The following MRTFB variants were observed in gnomAD, a reference collection of about 807,000 sequenced individuals.
The protein encoded by MRTFB is myocardin-related transcription factor B.
A neutral mutation model predicts 104.2 loss-of-function variants in MRTFB; 29 were observed. The observed-to-expected ratio is 0.28, with a 90% CI of 0.21 to 0.38. The LOEUF is 0.38. MRTFB is among the 10% of genes least tolerant of loss of function. MRTFB has a pLI of 1.00. For synonymous variants in MRTFB, 535 were observed against 519.5 expected, an observed-to-expected ratio of 1.03 and a Z score of -0.41; for missense variants, 1,270 against 1,341.6, an observed-to-expected ratio of 0.95 and a Z score of 0.83.
chr16:14,219,040 CTTGT>C, intron 8 of MRTFB, 42 bp downstream of exon 8: 1 of 1,521,934 alleles, frequency 6.6e-7, no homozygotes, highest in Non-Finnish European at 8.8e-7. Context: ...AAGAAAATGC[CTTGT>C]TTTTTTTTAA....
chr16:14,132,038 C>A lies in MRTFB; in HGVS notation c.-63-8506C>A, dbSNP rs1323911459. 4.6e-5 allele frequency among the ~76,000 whole-genome samples: 7 copies of A among 152,290 alleles called. No individual in the cohort carries two copies. The East Asian group carries it at 1.2e-3, about 25-fold the overall frequency. ...GTGGAAACAATCCAAAGTCCATCAT[C>A]TGATGCATGGGTAAACAAAAGGTGG... On this transcript the variant is annotated intron_variant, in intron 2 of 16. Transcript: ENST00000571589.
chr16:14,089,046 G>T (rs1172843747), intron 2 of MRTFB, among the ~76,000 whole-genome samples: 1 of 152,166 alleles, frequency 6.6e-6, no homozygotes, highest in Non-Finnish European at 1.5e-5. Context: ...AACAGATTGT[G>T]TGTTTTTACA....
At chr16:13,999,288 G>A in the MRTFB span, among the ~76,000 whole-genome samples, 7 of 151,802 alleles carry the variant, frequency 4.6e-5, no homozygotes, top group Middle Eastern at 3.2e-3. Flanking sequence ...ATAACAGGTC[G>A]CTGCTTGTGG....
rs772519963 is a variant in MRTFB, at chr16:14,251,935, C to G, written c.2477C>G (p.Pro826Arg). ...QRHPAPAVQQ[P>R]FINKASNSVL... The stretch of plus-strand genomic sequence containing the variant: ...CATCCTGCCCCAGCTGTCCAGCAGC[C>G]CTTTATCAATAAGGCCTCCAACAGT... Residue 826 changes from proline (P) to arginine (R), a missense_variant, in exon 14 of 17, where the codon CCC (proline) becomes CGC (arginine). By Grantham distance (103) the Pro-to-Arg change is moderately radical. This residue lies in a region of MRTFB where 1,144 missense variants were observed against 1,131.5 expected (regional missense o/e 1.01). Coordinates refer to ENST00000571589, the MANE Select transcript of MRTFB (RefSeq NM_001308142.2). The G allele has an allele frequency of 6.2e-7, 1 of 1,614,144 alleles. No individual in the cohort carries two copies. Among genetic ancestry groups the G allele is most frequent in the Non-Finnish European group, 8.5e-7 (1 of 1,180,016 alleles).
At chr16:14,064,381 T>C in the MRTFB span, among the ~76,000 whole-genome samples, 3 of 152,234 alleles carry the variant, frequency 2.0e-5, no homozygotes, top group South Asian at 6.2e-4. Context: ...CTTTGTAAGA[T>C]GCTTAGTTTG....
At chr16:14,098,249 G>A (rs2035503861) in intron 2 of MRTFB, among the ~76,000 whole-genome samples, 1 of 152,086 alleles carries the variant, frequency 6.6e-6, no homozygotes, top group Non-Finnish European at 1.5e-5. Context: ...AATTTGGTAT[G>A]GTCAGTCTTT....
chr16:14,113,368 T>A (rs1488179625), intron 2 of MRTFB, among the ~76,000 whole-genome samples: 2 of 152,256 alleles, frequency 1.3e-5, no homozygotes, highest in African/African-American at 4.8e-5. Flanking sequence ...TTTAATTGCT[T>A]TTCCCTACAC....
At chr16:14,219,211 A>C (rs1218473101) in intron 8 of MRTFB, among the ~76,000 whole-genome samples, 1 of 152,168 alleles carries the variant, frequency 6.6e-6, no homozygotes, top group East Asian at 1.9e-4. Context: ...CATTTCCTGA[A>C]ATCTTGGAGA....
the MRTFB span, among the ~76,000 whole-genome samples, chr16:14,027,654 C>T: frequency 8.5e-5 from 13 of 152,092 alleles, no homozygotes; most frequent in African/African-American, 7.2e-5. Context: ...GGAAGCTGGG[C>T]GAAGATGGTA....
chr16:14,217,092 C>T lies in MRTFB; in HGVS notation c.353-34C>T, dbSNP rs780137013. The T allele has an allele frequency of 5.8e-6, 9 of 1,562,558 alleles. No homozygotes were observed. The East Asian group carries it at 1.4e-4, about 24-fold the overall frequency. ...ACATTATGGAATAGAAATAGTAATT[C>T]GAGTAATGGTTAAAACTGTGTTTCC... is the stretch of plus-strand genomic sequence containing the variant. On this transcript the variant is annotated intron_variant, in intron 6 of 16. Transcript: ENST00000571589.
chr16:14,045,682 C>T, the MRTFB span, among the ~76,000 whole-genome samples: 1 of 152,206 alleles, frequency 6.6e-6, no homozygotes, highest in Non-Finnish European at 1.5e-5. Flanking sequence ...TTCATGTACT[C>T]TCCAAACCTC....
intron 2 of MRTFB, among the ~76,000 whole-genome samples, chr16:14,090,911 TG>T (rs2035021962): frequency 6.6e-6 from 1 of 151,792 alleles, no homozygotes; most frequent in Non-Finnish European, 1.5e-5. Flanking sequence ...TGTGTGTGTG[TG>T]TGTGTGTGTA....
intron 4 of MRTFB, among the ~76,000 whole-genome samples, chr16:14,210,654 C>A (rs1226473759): frequency 1.3e-5 from 2 of 151,998 alleles, no homozygotes; most frequent in African/African-American, 4.8e-5. Context: ...ATTAGACTTG[C>A]CAAAAAACAT....
At chr16:14,186,102 C>CTAGTG (rs2039944537) in intron 3 of MRTFB, among the ~76,000 whole-genome samples, 2 of 152,216 alleles carry the variant, frequency 1.3e-5, no homozygotes, top group African/African-American at 4.8e-5. Context: ...TCCCAGCCAA[C>CTAGTG]TAGTGGCACT....
At chr16:14,040,735 T>A in the MRTFB span, among the ~76,000 whole-genome samples, 1 of 152,118 alleles carries the variant, frequency 6.6e-6, no homozygotes, top group African/African-American at 2.4e-5. Flanking sequence ...AGCGCTGGGA[T>A]TACAGGTGCA....
chr16:14,059,066 A>G, the MRTFB span, among the ~76,000 whole-genome samples: 1 of 151,966 alleles, frequency 6.6e-6, no homozygotes, highest in Non-Finnish European at 1.5e-5. Flanking sequence ...TATTGACATA[A>G]TATTTTTTCC....
the MRTFB span, among the ~76,000 whole-genome samples, chr16:14,052,955 G>A: frequency 1.3e-5 from 2 of 152,046 alleles, no homozygotes; most frequent in African/African-American, 4.8e-5. Flanking sequence ...CCACATGTAA[G>A]AACATATGAT....
the MRTFB span, among the ~76,000 whole-genome samples, chr16:14,057,410 C>T: frequency 3.9e-5 from 6 of 152,270 alleles, no homozygotes; most frequent in South Asian, 1.2e-3. Context: ...TGATTTCTGT[C>T]CCCTTCATCT....
Position 14,245,511 on chromosome 16 carries a change from T to G in MRTFB, c.1080-17T>G. ...AATTATTTTATTATAAACTCTAATT[T>G]TTGTTTTCTTTTGAAGGCCACTCAA... On this transcript the variant is annotated splice_polypyrimidine_tract_variant and intron_variant, in intron 10 of 16. Transcript: ENST00000571589. 1 of 1,593,416 alleles carries G rather than the reference T, an allele frequency of 6.3e-7. No individual in the cohort carries two copies. The highest frequency in any genetic ancestry group is 1.2e-5 in the South Asian group (1 of 86,040).
Sources: allele counts gnomAD v4.1 joint callset (sites outside exome capture counted in the v4.1 genomes callset), GRCh38; gene constraint gnomAD v4.1.1; regional missense constraint gnomAD v4.1.1; transcripts MANE v1.5; gene names NCBI Gene and HGNC (gene_info 2026-07-23, HGNC 2026-07-21).